Variants in DNAH9 observed in about 807,000 individuals in gnomAD.
DNAH9 encodes the protein DNAH9 variant protein.
A neutral mutation model predicts 471.6 loss-of-function variants in DNAH9; 345 were observed. The ratio of observed to expected loss-of-function variants is 0.73; its 90% CI spans 0.67 to 0.80. The LOEUF is 0.80. Ranked by LOEUF, DNAH9 falls within the 30% of genes least tolerant of loss-of-function variation. DNAH9 has a pLI of 0.00. For missense variants in DNAH9, 5,407 were observed against 5,609.2 expected (o/e 0.96, Z 1.15); for synonymous variants, 2,093 against 2,123.6 (o/e 0.99, Z 0.40).
chr17:11,936,840 C>T (rs1974728998), intron 65 of DNAH9, among the ~76,000 whole-genome samples: 1 of 152,154 alleles, frequency 6.6e-6, no homozygotes, highest in Admixed American at 6.5e-5. Context: ...CAGCCAATCT[C>T]ACCTCCTTCG....
At chr17:11,635,522 C>T (rs2073146167) in intron 8 of DNAH9, among the ~76,000 whole-genome samples, 1 of 151,982 alleles carries the variant, frequency 6.6e-6, no homozygotes, top group South Asian at 2.1e-4. Flanking sequence ...ATGCAAAAAC[C>T]ATGCACTGAG....
rs1974553479 is a variant in DNAH9 at position 11,932,517 on chromosome 17, C to T, written c.12297+312C>T. On this transcript the variant is annotated intron_variant, in intron 64 of 68. Transcript: ENST00000262442. The surrounding 1 kb of genome is among the most constrained non-coding windows in gnomAD (Gnocchi z 4.3). ...GTTAGAAATGCAGAATCTCAGGTCCCACCCAAACTTACTGAATCAGCGCAT... is the reference window on the plus strand; with the variant it reads ...GTTAGAAATGCAGAATCTCAGGTCCTACCCAAACTTACTGAATCAGCGCAT... 6.6e-6 allele frequency among the ~76,000 whole-genome samples: 1 copy of T among 152,180 alleles called. No individual in the cohort carries two copies. The highest frequency in any genetic ancestry group is 2.4e-5 in the African/African-American group (1 of 41,456).
At chr17:11,928,152 G>A (rs1567556534) in intron 62 of DNAH9, among the ~76,000 whole-genome samples, 1 of 131,612 alleles carries the variant, frequency 7.6e-6, no homozygotes, top group Admixed American at 7.6e-5. Context: ...TATTTATTTT[G>A]TAGAGATGGG....
intron 58 of DNAH9, among the ~76,000 whole-genome samples, chr17:11,893,446 GAAAGACTT>G (rs1244016545): frequency 4.9e-5 from 1 of 20,598 alleles, no homozygotes; most frequent in Non-Finnish European, 1.9e-4. Context: ...GCAAAGACTT[GAAAGACTT>G]GGAACCAACC....
At chr17:11,914,802 G>A (rs947543571) in intron 61 of DNAH9, among the ~76,000 whole-genome samples, 4 of 152,078 alleles carry the variant, frequency 2.6e-5, no homozygotes, top group Admixed American at 1.3e-4. Context: ...AATTTCATAA[G>A]CTGTGCCTAG....
chr17:11,950,505 A>G (rs1975325052), intron 67 of DNAH9, among the ~76,000 whole-genome samples: 1 of 152,104 alleles, frequency 6.6e-6, no homozygotes, highest in African/African-American at 2.4e-5. Flanking sequence ...AGCTGGAACT[A>G]CAGGTGCACA....
In DNAH9 at chr17:11,664,855, C is replaced by T. The variant is rs202004703; in HGVS notation, c.2618C>T (p.Ala873Val). ...LVQENLGLFS[A>V]DPTSNIWKTY... ...TAGGAAAACCTGGGTCTATTTTCAG[C>T]AGACCCAACCTCCAATATCTGGAAG... Residue 873 changes from alanine to valine, a missense_variant, in exon 15 of 69, where the codon GCA (alanine) becomes GTA (valine). This residue lies in a region of DNAH9 where 4,636 missense variants were observed against 4,900.3 expected (regional missense o/e 0.95). Transcript: ENST00000262442. 82 of 1,612,556 alleles carry T rather than the reference C, an allele frequency of 5.1e-5. No homozygotes were observed. The African/African-American group carries it at 9.5e-4, about 19-fold the overall frequency.
At chr17:11,917,771 G>T (rs569467459) in intron 61 of DNAH9, among the ~76,000 whole-genome samples, 1 of 152,264 alleles carries the variant, frequency 6.6e-6, no homozygotes, top group Non-Finnish European at 1.5e-5. Context: ...GATGAGGATG[G>T]TGCATCTGTT....
chr17:11,944,872 GA>G (rs1426673383), intron 67 of DNAH9, among the ~76,000 whole-genome samples: 2 of 152,160 alleles, frequency 1.3e-5, no homozygotes, highest in African/African-American at 4.8e-5. Context: ...AGAGGCAAAA[GA>G]AAAAAGTTAG....
At chr17:11,746,121 G>A (rs1251434893) in intron 31 of DNAH9, among the ~76,000 whole-genome samples, 1 of 152,212 alleles carries the variant, frequency 6.6e-6, no homozygotes, top group Admixed American at 6.5e-5. Context: ...AGAGTCAAGA[G>A]AAAAGAATAA....
chr17:11,636,834 A>C (rs1360086179), intron 9 of DNAH9, 50 bp downstream of exon 9: 1 of 1,519,924 alleles, frequency 6.6e-7, no homozygotes, highest in Non-Finnish European at 9.1e-7. Context: ...TACTGGAAAG[A>C]AGCAACTCAT....
At chr17:11,926,374 A>C (rs1018340663) in intron 62 of DNAH9, among the ~76,000 whole-genome samples, 2 of 152,058 alleles carry the variant, frequency 1.3e-5, no homozygotes, top group African/African-American at 4.8e-5. Flanking sequence ...TAAGCCCAGC[A>C]TCCATTAGCT....
chr17:11,757,999 G>T (rs555630130), intron 35 of DNAH9, among the ~76,000 whole-genome samples: 1 of 152,184 alleles, frequency 6.6e-6, no homozygotes, highest in Non-Finnish European at 1.5e-5. Context: ...CAGACACTCA[G>T]ATCCTTCTGT....
chr17:11,718,642 C>T (rs1015794035), intron 26 of DNAH9, among the ~76,000 whole-genome samples: 1 of 152,168 alleles, frequency 6.6e-6, no homozygotes, highest in African/African-American at 2.4e-5. Flanking sequence ...TTCACAGATT[C>T]ATTTGTGTTT....
In DNAH9 at chr17:11,899,955, G is replaced by A. The variant is rs1007838894; in HGVS notation, c.11407-2764G>A. Among the ~76,000 whole-genome samples the A allele has an allele frequency of 1.4e-4, 21 of 152,156 alleles. 1 individual carries two copies. The highest frequency in any genetic ancestry group is 4.8e-4 in the African/African-American group (20 of 41,430). ...AGCTCACAGTCTTGTGGGAGTAACAGGCAAGTAAACCAGAAGTTGCAATTC... is the reference window on the plus strand; with the variant it reads ...AGCTCACAGTCTTGTGGGAGTAACAAGCAAGTAAACCAGAAGTTGCAATTC... On this transcript the variant is annotated intron_variant, in intron 59 of 68. Coordinates refer to ENST00000262442, the MANE Select transcript of DNAH9 (RefSeq NM_001372.4).
Position 11,611,769 on chromosome 17 carries a change from A to T in DNAH9, c.893A>T (p.Asp298Val). Residue 298 changes from aspartate to valine, a missense_variant, in exon 4 of 69, where the codon GAT (aspartate) becomes GTT (valine). Asp to Val is a radical substitution (Grantham distance 152). Around this residue, in one of 3 missense-constraint regions of DNAH9, gnomAD observed 767 missense variants for 692.5 expected, o/e 1.11. Coordinates refer to ENST00000262442, the MANE Select transcript of DNAH9 (RefSeq NM_001372.4). ...CCAGCTTTCAAAGCCATGTACAGAGATGTTGTTGCAGGTGAGGACCAGCAA... is the reference window on the plus strand; with the variant it reads ...CCAGCTTTCAAAGCCATGTACAGAGTTGTTGTTGCAGGTGAGGACCAGCAA... ...YFPAFKAMYR[D>V]VVAALAEAQD... 1.2e-6 allele frequency: 2 copies of T among 1,614,162 alleles called. No individual in the cohort carries two copies. Among genetic ancestry groups the T allele is most frequent in the Non-Finnish European group, 1.7e-6 (2 of 1,180,000 alleles).
At chr17:11,963,157 G>A (rs1425966806) in intron 68 of DNAH9, among the ~76,000 whole-genome samples, 5 of 152,072 alleles carry the variant, frequency 3.3e-5, no homozygotes, top group Middle Eastern at 3.4e-3. Flanking sequence ...CACACAGGTC[G>A]GGCACAGTGG....
chr17:11,781,248 C>G, intron 39 of DNAH9, 74 bp downstream of exon 39: 6 of 1,496,540 alleles, frequency 4.0e-6, no homozygotes, highest in Non-Finnish European at 5.4e-6. Context: ...AGTCTCTATT[C>G]TGCCTGAACG....
At position 11,897,809 on chromosome 17, in the gene DNAH9, G is replaced by C. The variant is rs117807029; in HGVS notation, c.11406+3313G>C. Among the ~76,000 whole-genome samples, 66 of 152,350 alleles carry C rather than the reference G, an allele frequency of 4.3e-4. 1 individual carries two copies. The East Asian group carries it at 0.012, about 28-fold the overall frequency. ...ATGCTAAACCAATGGAAGCTGATTG[G>C]TTATGGTTGCTGTATTTGTTTCCTA... On this transcript the variant is annotated intron_variant, in intron 59 of 68. Transcript: ENST00000262442.
Sources: allele counts gnomAD v4.1 joint callset (sites outside exome capture counted in the v4.1 genomes callset), GRCh38; gene constraint gnomAD v4.1.1; regional missense constraint gnomAD v4.1.1; non-coding constraint Gnocchi (gnomAD v3.1); transcripts MANE v1.5; gene names NCBI Gene and HGNC (gene_info 2026-07-23, HGNC 2026-07-21).